The following OTOG variants were observed in gnomAD, a reference collection of about 807,000 sequenced individuals.
OTOG encodes otogelin.
In OTOG, 296 loss-of-function variants were observed where a neutral mutation model predicts 313.8. The observed-to-expected ratio is 0.94, with a 90% CI of 0.86 to 1.04. OTOG has a LOEUF of 1.04. OTOG is among the 50% of genes least tolerant of loss of function. The pLI, the probability that OTOG is intolerant of heterozygous loss-of-function variation, is 0.00. For synonymous variants in OTOG, 1,533 were observed against 1,554.9 expected (o/e 0.99, Z 0.33); for missense variants, 3,948 against 3,840.1 (o/e 1.03, Z -0.74).
intron 16 of OTOG, among the ~76,000 whole-genome samples, chr11:17,569,872 G>GT (rs1382911210): frequency 2.6e-5 from 4 of 152,212 alleles, no homozygotes; most frequent in African/African-American, 9.6e-5. Context: ...TGTGGCCACT[G>GT]TGAAGAGAAT....
intron 48 of OTOG, 56 bp from the exon 49 acceptor site, chr11:17,639,367 G>A: frequency 6.5e-7 from 1 of 1,533,434 alleles, no homozygotes; most frequent in East Asian, 2.5e-5. Context: ...GGTACCCAGG[G>A]GATTCCTACC....
At chr11:17,556,998 C>T (rs1852069454) in intron 7 of OTOG, 120 bp from the exon 8 acceptor site, 3 of 922,684 alleles carry the variant, frequency 3.3e-6, no homozygotes, top group Non-Finnish European at 4.9e-6. Context: ...TCTGGGAATT[C>T]ATGGGGAGGG....
intron 39 of OTOG, among the ~76,000 whole-genome samples, chr11:17,622,468 TACTC>T (rs1240783970): frequency 4.6e-5 from 7 of 152,160 alleles, no homozygotes; most frequent in Non-Finnish European, 8.8e-5. Context: ...CACTAAGTCT[TACTC>T]ATTCTTTTTA....
chr11:17,585,388 C>G (rs568297420), intron 23 of OTOG, among the ~76,000 whole-genome samples: 1 of 152,142 alleles, frequency 6.6e-6, no homozygotes, highest in Non-Finnish European at 1.5e-5. Context: ...TTTGAGTATT[C>G]CTGTCCCCCT....
At chr11:17,552,211 C>G (rs960602552) in intron 4 of OTOG, 136 bp downstream of exon 4, 1 of 843,960 alleles carries the variant, frequency 1.2e-6, no homozygotes, top group African/African-American at 1.7e-5. Flanking sequence ...TCCTTCCACC[C>G]ACTCTGGCCC....
chr11:17,558,726 T>G (rs887539137), intron 10 of OTOG, 82 bp downstream of exon 10: 3 of 1,335,514 alleles, frequency 2.2e-6, no homozygotes, highest in Non-Finnish European at 3.1e-6. Context: ...AACTGGGTGA[T>G]CCCAGGCACT....
intron 39 of OTOG, among the ~76,000 whole-genome samples, chr11:17,623,992 T>G (rs956786163): frequency 3.3e-5 from 5 of 152,208 alleles, no homozygotes; most frequent in African/African-American, 1.2e-4. Context: ...TTTAATGGGG[T>G]AGTTTGTTTG....
intron 11 of OTOG, 110 bp from the exon 12 acceptor site, chr11:17,559,424 T>A (rs1264320603): frequency 9.9e-6 from 14 of 1,418,298 alleles, no homozygotes; most frequent in Non-Finnish European, 1.1e-5. Flanking sequence ...TAGGAAATCA[T>A]GAAAATCAAA....
chr11:17,611,458 G>A, intron 36 of OTOG, 35 bp downstream of exon 36: 1 of 1,474,202 alleles, frequency 6.8e-7, no homozygotes, highest in Admixed American at 2.4e-5. Context: ...CCACCCGTAT[G>A]TGACCCTTCC....
At chr11:17,599,253 C>T (rs1853186357) in intron 30 of OTOG, among the ~76,000 whole-genome samples, 1 of 152,088 alleles carries the variant, frequency 6.6e-6, no homozygotes, top group African/African-American at 2.4e-5. Flanking sequence ...CCCCTTCCCA[C>T]CGAAGGCTCT....
chr11:17,548,221 G>A lies in OTOG; in HGVS notation c.216+9G>A, dbSNP rs1851852454. The stretch of plus-strand genomic sequence containing the variant: ...CAGTCGTGGGAGGCCAGGTAAGGGA[G>A]GTCTTGGGAGGGGGCTTCATTGAGC... On this transcript the variant is annotated intron_variant, in intron 3 of 55. Transcript: ENST00000399397. The A allele has an allele frequency of 3.2e-6, 5 of 1,542,720 alleles. No individual in the cohort carries two copies. Among genetic ancestry groups the A allele is most frequent in the African/African-American group, 1.4e-5 (1 of 72,962 alleles).
chr11:17,575,027 G>C (rs866190873), intron 20 of OTOG, 115 bp downstream of exon 20: 2 of 1,080,010 alleles, frequency 1.9e-6, no homozygotes, highest in African/African-American at 3.2e-5. Context: ...TCCCCTCACA[G>C]TTGCAGGCCA....
rs754355868 is a variant in OTOG, at chr11:17,641,018, C to T, written c.8117C>T (p.Thr2706Ile). The change falls in exon 51 of 56, where the codon ACC (threonine) becomes ATC (isoleucine). Residue 2706 changes from threonine to isoleucine, a missense_variant. Coordinates refer to ENST00000399397, the MANE Select transcript of OTOG (RefSeq NM_001292063.2). ...GTGTGCCACACCTCCCGCTGCACCACCGTGCTCGACCCTCTCACCAACTTC... is the reference window on the plus strand; with the variant it reads ...GTGTGCCACACCTCCCGCTGCACCATCGTGCTCGACCCTCTCACCAACTTC... Reference protein sequence around the residue: ...DGVCHTSRCTTVLDPLTNFYQ... With the variant: ...DGVCHTSRCTIVLDPLTNFYQ... 10 of 1,547,672 alleles carry T rather than the reference C, an allele frequency of 6.5e-6. No individual in the cohort carries two copies. In the African/African-American group the frequency reaches 1.4e-4, roughly 21 times the overall value.
intron 49 of OTOG, 80 bp from the exon 50 acceptor site, chr11:17,640,665 G>A: frequency 7.0e-7 from 1 of 1,427,994 alleles, no homozygotes; most frequent in Non-Finnish European, 9.5e-7. Context: ...CTGACGTAGA[G>A]AGGGGCCCAG....
chr11:17,552,015 G>T lies in OTOG; in HGVS notation c.232G>T (p.Asp78Tyr), dbSNP rs1294925263. ...VVGGQQAEAP[D>Y]SVAMSSWERR... ...TCTTCACAAGCAGGCTGAAGCCCCA[G>T]ACTCCGTGGCCATGTCTTCCTGGGA... The change falls in exon 4 of 56, where the codon GAC becomes TAC. Residue 78 changes from aspartate (D) to tyrosine (Y), a missense_variant. By Grantham distance (160) the Asp-to-Tyr change is radical. Coordinates refer to ENST00000399397, the MANE Select transcript of OTOG (RefSeq NM_001292063.2). 1.3e-6 allele frequency: 2 copies of T among 1,550,396 alleles called. No homozygotes were observed. Among genetic ancestry groups the T allele is most frequent in the South Asian group, 2.4e-5 (2 of 84,056 alleles).
At chr11:17,618,687 T>G (rs929184412) in intron 39 of OTOG, among the ~76,000 whole-genome samples, 3 of 152,246 alleles carry the variant, frequency 2.0e-5, no homozygotes, top group Non-Finnish European at 2.9e-5. Flanking sequence ...TATTTCTCTT[T>G]GGAGTTTTAT....
At position 17,597,027 on chromosome 11, in the gene OTOG, A is replaced by T. The variant is rs1565109917; in HGVS notation, c.3682+20A>T. 6.5e-7 allele frequency: 1 copy of T among 1,548,492 alleles called. No homozygotes were observed. The highest frequency in any genetic ancestry group is 1.4e-5 in the African/African-American group (1 of 73,006). On this transcript the variant is annotated intron_variant, in intron 30 of 55. Transcript: ENST00000399397. Reference sequence around the variant, plus strand: ...TCTGCCGTGAGTGTCCCAGACAATCACCTGAGGGGACAGAGTAGAGTGTCA... The same window carrying T: ...TCTGCCGTGAGTGTCCCAGACAATCTCCTGAGGGGACAGAGTAGAGTGTCA...
At chr11:17,614,853 G>A (rs1267329978) in intron 39 of OTOG, among the ~76,000 whole-genome samples, 1 of 152,202 alleles carries the variant, frequency 6.6e-6, no homozygotes, top group Non-Finnish European at 1.5e-5. Context: ...GCTATAAACA[G>A]TTACATACAG....
chr11:17,573,262 T>G lies in OTOG; in HGVS notation c.2265T>G (p.Val755=). The G allele has an allele frequency of 6.5e-7, 1 of 1,530,212 alleles. No homozygotes were observed. Among genetic ancestry groups the G allele is most frequent in the Non-Finnish European group, 8.8e-7 (1 of 1,142,388 alleles). 94.8% of individuals were successfully genotyped at this position (1,530,212 alleles called of 1,614,324 possible). The change falls in exon 19 of 56, where the codon GTT becomes GTG. Residue 755 remains valine (V), a synonymous_variant. Transcript: ENST00000399397. ...TGTGCCGGCGCCATGGGCTCCCCGT[T>G]GATTTCCGCGCCCGCCTGCCAGCCT... ...AHLCRRHGLP[V]DFRARLPACA...
Sources: allele counts gnomAD v4.1 joint callset (sites outside exome capture counted in the v4.1 genomes callset), GRCh38; gene constraint gnomAD v4.1.1; transcripts MANE v1.5; gene names NCBI Gene and HGNC (gene_info 2026-07-23, HGNC 2026-07-21).